The following LARP1 variants were observed in gnomAD, a reference collection of about 807,000 sequenced individuals.
LARP1 encodes the protein La ribonucleoprotein 1, translational regulator.
A neutral mutation model predicts 122.7 loss-of-function variants in LARP1; 36 were observed. The observed-to-expected ratio is 0.29, with a 90% confidence interval of 0.22 to 0.39. The LOEUF (loss-of-function observed/expected upper bound fraction) is 0.39. Among genes scored for constraint, LARP1 ranks in the 10% least tolerant of loss-of-function variants. The pLI is 1.00. For synonymous variants in LARP1, 539 were observed against 528.7 expected (o/e 1.02, Z -0.27); for missense variants, 1,040 against 1,403.6 (o/e 0.74, Z 4.14).
Position 154,802,258 on chromosome 5 carries a change from C to T in LARP1, c.1968C>T (p.His656=), listed in dbSNP as rs771159975. The T allele has an allele frequency of 1.4e-5, 23 of 1,614,210 alleles. No individual in the cohort carries two copies. The highest frequency in any genetic ancestry group is 1.7e-5 in the Non-Finnish European group (20 of 1,180,038). The part of the protein sequence containing the change: ...VTQTPHYMRR[H]PGGDRTGNHT... Reference sequence around the variant, plus strand: ...AGACACCACATTACATGCGCCGGCACCCAGGGGGGGACCGCACAGGCAACC... The same window carrying T: ...AGACACCACATTACATGCGCCGGCATCCAGGGGGGGACCGCACAGGCAACC... Residue 656 remains histidine, a synonymous_variant, in exon 11 of 19, where the codon CAC becomes CAT. Transcript: ENST00000518297. The surrounding 1 kb of genome is among the most constrained non-coding windows in gnomAD (Gnocchi z 5.1).
In LARP1 at chr5:154,808,439, C is replaced by T. The variant is rs1346708727; in HGVS notation, c.2699-20C>T. Reference sequence around the variant, plus strand: ...CAGCCTGAACCTGAGACATGCCTTTCCTCCTTTCTTTCCCATCAGAGCGGA... The same window carrying T: ...CAGCCTGAACCTGAGACATGCCTTTTCTCCTTTCTTTCCCATCAGAGCGGA... On this transcript the variant is annotated intron_variant, in intron 15 of 18. Transcript: ENST00000518297. The T allele has an allele frequency of 3.1e-6, 5 of 1,608,340 alleles. No homozygotes were observed. The Admixed American group carries it at 6.7e-5, about 22-fold the overall frequency.
chr5:154,738,992 A>C (rs1757069744), intron 1 of LARP1, among the ~76,000 whole-genome samples: 1 of 152,176 alleles, frequency 6.6e-6, no homozygotes, highest in African/African-American at 2.4e-5. Context: ...CTAAATTTAC[A>C]ACAATATACT....
chr5:154,803,622 A>C lies in LARP1; in HGVS notation c.2316A>C (p.Pro772=), dbSNP rs140953194. The C allele has an allele frequency of 1.2e-6, 2 of 1,614,136 alleles. No individual in the cohort carries two copies. The highest frequency in any genetic ancestry group is 2.2e-5 in the East Asian group (1 of 44,866). The change falls in exon 13 of 19, where the codon CCA becomes CCC. Residue 772 remains proline, a synonymous_variant. Transcript: ENST00000518297. The surrounding 1 kb of genome is among the most constrained non-coding windows in gnomAD (Gnocchi z 4.4). ...TIARSLPTTV[P]ESPNYRNTRT... Reference sequence around the variant, plus strand: ...CCCGCTCTCTACCAACCACTGTCCCAGAGTCACCAAACTACCGCAACACCA... The same window carrying C: ...CCCGCTCTCTACCAACCACTGTCCCCGAGTCACCAAACTACCGCAACACCA...
chr5:154,693,723 G>A (rs1035031048), intron 1 of LARP1, among the ~76,000 whole-genome samples: 5 of 152,030 alleles, frequency 3.3e-5, no homozygotes, highest in Non-Finnish European at 5.9e-5. Context: ...GGGCGTGGTG[G>A]CGGGCTCCTG....
At chr5:154,716,267 C>T (rs189164990) in intron 1 of LARP1, among the ~76,000 whole-genome samples, 1 of 152,032 alleles carries the variant, frequency 6.6e-6, no homozygotes, top group South Asian at 2.1e-4. Context: ...TTACAGGCGC[C>T]CGCCACCACG....
chr5:154,702,125 G>A (rs1292885996), intron 1 of LARP1, among the ~76,000 whole-genome samples: 5 of 152,146 alleles, frequency 3.3e-5, no homozygotes, highest in Non-Finnish European at 5.9e-5. Flanking sequence ...GGGTGCATGG[G>A]CCAACTCTTG....
At chr5:154,780,891 A>G (rs9942412) in intron 1 of LARP1, among the ~76,000 whole-genome samples, 25,471 of 151,788 alleles carry the variant, frequency 0.17, 2,808 homozygotes, top group African/African-American at 0.31. Context: ...GTGAAACCCC[A>G]TCTCTACTGA....
chr5:154,774,699 C>T (rs1277658231), intron 1 of LARP1, among the ~76,000 whole-genome samples: 1 of 152,162 alleles, frequency 6.6e-6, no homozygotes, highest in Non-Finnish European at 1.5e-5. Flanking sequence ...CTGCCCCAGG[C>T]CTTTTCTGCC....
chr5:154,764,202 C>A (rs562746905), intron 1 of LARP1, among the ~76,000 whole-genome samples: 2 of 149,102 alleles, frequency 1.3e-5, no homozygotes, highest in Non-Finnish European at 3.0e-5. Flanking sequence ...CCCAGCTACT[C>A]GGGAGGCTGA....
At chr5:154,684,588 G>A (rs148714282) in intron 1 of LARP1, among the ~76,000 whole-genome samples, 59 of 152,212 alleles carry the variant, frequency 3.9e-4, no homozygotes, top group African/African-American at 1.2e-3. Context: ...CACTCCTTGC[G>A]CTTCCGGTCT....
intron 1 of LARP1, among the ~76,000 whole-genome samples, chr5:154,691,436 G>C (rs907469788): frequency 8.5e-5 from 13 of 152,278 alleles, no homozygotes; most frequent in Non-Finnish European, 1.8e-4. Flanking sequence ...ACATCCCCCT[G>C]CGACGTGGCC....
chr5:154,731,199 A>G (rs990863903), intron 1 of LARP1, among the ~76,000 whole-genome samples: 1 of 152,208 alleles, frequency 6.6e-6, no homozygotes, highest in Non-Finnish European at 1.5e-5. Context: ...GAGAAAAAAA[A>G]CACACCCATG....
chr5:154,794,440 A>C (rs976047160), intron 7 of LARP1, among the ~76,000 whole-genome samples, 178 bp downstream of exon 7: 2 of 152,246 alleles, frequency 1.3e-5, no homozygotes, highest in Non-Finnish European at 2.9e-5. Context: ...TGTTTATTAC[A>C]GAAGTGGTAC....
intron 15 of LARP1, among the ~76,000 whole-genome samples, chr5:154,808,057 C>T (rs1758934726): frequency 6.6e-6 from 1 of 152,040 alleles, no homozygotes; most frequent in African/African-American, 2.4e-5. Flanking sequence ...TTTGATATTA[C>T]TGTTTTGTAC....
intron 1 of LARP1, among the ~76,000 whole-genome samples, chr5:154,740,153 A>G (rs1356944190): frequency 6.6e-6 from 1 of 151,556 alleles, no homozygotes; most frequent in African/African-American, 2.4e-5. Flanking sequence ...GCACCTTGGG[A>G]GGCCGAGGCG....
chr5:154,689,225 G>A (rs1426510906), intron 1 of LARP1, among the ~76,000 whole-genome samples: 2 of 152,166 alleles, frequency 1.3e-5, no homozygotes, highest in South Asian at 2.1e-4. Context: ...AGGCCTAGGC[G>A]GGTGGATCAT....
chr5:154,783,333 G>A (rs1325011016), intron 1 of LARP1, among the ~76,000 whole-genome samples: 2 of 152,156 alleles, frequency 1.3e-5, no homozygotes, highest in Non-Finnish European at 2.9e-5. Context: ...TGTGCTTGGT[G>A]GTAGTTTCCC....
At chr5:154,744,929 G>A (rs1291191782) in intron 1 of LARP1, among the ~76,000 whole-genome samples, 1 of 112,462 alleles carries the variant, frequency 8.9e-6, no homozygotes, top group Non-Finnish European at 1.8e-5. Flanking sequence ...GAGCCACCGC[G>A]CCCGGCCGCT....
intron 8 of LARP1, among the ~76,000 whole-genome samples, chr5:154,796,860 T>C (rs534923355): frequency 3.3e-4 from 50 of 152,348 alleles, no homozygotes; most frequent in South Asian, 2.3e-3. Context: ...TGCATAATTA[T>C]GAGTTGATCT....
Sources: gnomAD v4.1 joint callset for allele counts (sites outside exome capture counted in the v4.1 genomes callset) on GRCh38, gnomAD v4.1.1 for gene constraint, Gnocchi (gnomAD v3.1) non-coding constraint, MANE v1.5 for transcripts, NCBI Gene and HGNC (gene_info 2026-07-23, HGNC 2026-07-21) for gene names.